The following COL23A1 variants were observed in gnomAD, a reference collection of about 807,000 sequenced individuals.
COL23A1 encodes collagen type XXIII alpha 1 chain, also known as collagen alpha-1(XXIII) chain.
A neutral mutation model predicts 99.3 loss-of-function variants in COL23A1; 97 were observed. That is an observed-to-expected ratio of 0.98 (90% CI 0.83 to 1.16). The LOEUF (loss-of-function observed/expected upper bound fraction) is 1.16, where lower values mean the gene tolerates loss of function less well. Ranked by LOEUF, COL23A1 falls within the 50% of genes most tolerant of loss-of-function variation. The probability of loss-of-function intolerance (pLI) is 0.00; values close to 1 mark genes in which losing one functional copy is unlikely to be tolerated. For synonymous variants in COL23A1, 320 were observed against 308.2 expected (o/e 1.04, Z -0.40); for missense variants, 762 against 757.4 (o/e 1.01, Z -0.07).
At chr5:178,422,792 C>G (rs1254995190) in intron 2 of COL23A1, among the ~76,000 whole-genome samples, 1 of 152,016 alleles carries the variant, frequency 6.6e-6, no homozygotes, top group Non-Finnish European at 1.5e-5. Context: ...AATTACCAGA[C>G]TATGTCATTA....
At chr5:178,407,837 T>C (rs1006041199) in intron 2 of COL23A1, among the ~76,000 whole-genome samples, 8 of 152,086 alleles carry the variant, frequency 5.3e-5, no homozygotes, top group Non-Finnish European at 8.8e-5. Flanking sequence ...CAGGGACCTG[T>C]GGGACTAAAA....
At chr5:178,481,000 T>C (rs1181786390) in intron 2 of COL23A1, among the ~76,000 whole-genome samples, 1 of 151,588 alleles carries the variant, frequency 6.6e-6, no homozygotes, top group Admixed American at 6.6e-5. Context: ...ACAAAAAAAT[T>C]AGCTGGGCAT....
rs1766434676 is a variant in COL23A1 at position 178,434,382 on chromosome 5, C to T, written c.361+126300G>A. Reference sequence around the variant, plus strand: ...CACACATGGTCCCACCAGGACAGCGCCCCTGCAGCACGGTGGCCTCGGGCA... The same window carrying T: ...CACACATGGTCCCACCAGGACAGCGTCCCTGCAGCACGGTGGCCTCGGGCA... On this transcript the variant is annotated intron_variant, in intron 2 of 28. Transcript: ENST00000390654. This position sits in a 1 kb window ranked among gnomAD's most constrained non-coding sequence, Gnocchi z 4.3. Among the ~76,000 whole-genome samples the T allele has an allele frequency of 6.6e-6, 1 of 152,252 alleles. No individual in the cohort carries two copies. Among genetic ancestry groups the T allele is most frequent in the South Asian group, 2.1e-4 (1 of 4,832 alleles).
intron 2 of COL23A1, among the ~76,000 whole-genome samples, chr5:178,429,204 G>A (rs1766119070): frequency 6.6e-6 from 1 of 152,092 alleles, no homozygotes; most frequent in African/African-American, 2.4e-5. Flanking sequence ...TGCGCCTCGG[G>A]AAAGGCCGGG....
At chr5:178,491,710 T>C (rs979319544) in intron 2 of COL23A1, among the ~76,000 whole-genome samples, 11 of 152,164 alleles carry the variant, frequency 7.2e-5, no homozygotes, top group African/African-American at 1.7e-4. Flanking sequence ...GATTTTTTTT[T>C]CAATTTTTTA....
chr5:178,345,310 G>T, intron 2 of COL23A1: 1 of 612,354 alleles, frequency 1.6e-6, no homozygotes, highest in South Asian at 1.6e-5. Flanking sequence ...AAATCACTTG[G>T]AGCAATTCGG....
At chr5:178,353,186 T>C (rs922734931) in intron 2 of COL23A1, among the ~76,000 whole-genome samples, 1 of 152,172 alleles carries the variant, frequency 6.6e-6, no homozygotes, top group Admixed American at 6.5e-5. Context: ...AAGTGAATTA[T>C]GGCATACTCA....
At chr5:178,282,803 A>G (rs1319650236) in intron 5 of COL23A1, among the ~76,000 whole-genome samples, 2 of 152,148 alleles carry the variant, frequency 1.3e-5, no homozygotes, top group African/African-American at 2.4e-5. Context: ...TTCCCAAAGG[A>G]AGCACCATGA....
At chr5:178,347,484 C>T (rs1293581705) in intron 2 of COL23A1, among the ~76,000 whole-genome samples, 1 of 151,680 alleles carries the variant, frequency 6.6e-6, no homozygotes, top group Non-Finnish European at 1.5e-5. Context: ...TGGAAACTTT[C>T]TGGAATCAGA....
chr5:178,558,892 A>T (rs565001268), intron 2 of COL23A1, among the ~76,000 whole-genome samples: 1 of 151,756 alleles, frequency 6.6e-6, no homozygotes, highest in Non-Finnish European at 1.5e-5. Context: ...AGGATGAAGC[A>T]ATTCTCCCAC....
chr5:178,365,699 C>T lies in COL23A1; in HGVS notation c.362-58780G>A, dbSNP rs150871270. Among the ~76,000 whole-genome samples the T allele has an allele frequency of 2.0e-4, 30 of 152,264 alleles. No individual in the cohort carries two copies. Among genetic ancestry groups the T allele is most frequent in the African/African-American group, 5.8e-4 (24 of 41,560 alleles). ...GCGTGCTGTTCCCGGCAGACCCTTG[C>T]GTTTCCTGTTCTCTGCCTGGAAAGC... is the stretch of plus-strand genomic sequence containing the variant. On this transcript the variant is annotated intron_variant, in intron 2 of 28. Coordinates refer to ENST00000390654, the MANE Select transcript of COL23A1 (RefSeq NM_173465.4). This position sits in a 1 kb window ranked among gnomAD's most constrained non-coding sequence, Gnocchi z 5.2.
chr5:178,426,925 G>A (rs1765971014), intron 2 of COL23A1, among the ~76,000 whole-genome samples: 4 of 152,208 alleles, frequency 2.6e-5, no homozygotes, highest in Admixed American at 2.6e-4. Flanking sequence ...AGGCCAGTGT[G>A]GTGGCTCACG....
At chr5:178,537,138 G>T (rs996083120) in intron 2 of COL23A1, among the ~76,000 whole-genome samples, 1 of 152,218 alleles carries the variant, frequency 6.6e-6, no homozygotes, top group Non-Finnish European at 1.5e-5. Flanking sequence ...CGTAGAGGGA[G>T]GGGGTCCCAC....
chr5:178,265,561 G>T, intron 8 of COL23A1: 1 of 501,522 alleles, frequency 2.0e-6, no homozygotes, highest in Non-Finnish European at 2.6e-6. Flanking sequence ...CTCCCTCAGG[G>T]ATTGGATGGC....
intron 21 of COL23A1, 75 bp from the exon 22 acceptor site, chr5:178,247,627 CCT>C: frequency 6.3e-7 from 1 of 1,595,986 alleles, no homozygotes; most frequent in East Asian, 2.2e-5. Context: ...CCCCTGGGGC[CCT>C]GTCCTGGGCT....
intron 2 of COL23A1, among the ~76,000 whole-genome samples, chr5:178,337,389 C>G (rs80044660): frequency 0.022 from 3,323 of 152,352 alleles, 39 homozygotes; most frequent in South Asian, 0.031. Context: ...GAGGCGGGCT[C>G]TAATGGCACA....
chr5:178,504,161 G>GT (rs1193244601), intron 2 of COL23A1, among the ~76,000 whole-genome samples: 2 of 152,056 alleles, frequency 1.3e-5, no homozygotes, highest in Non-Finnish European at 2.9e-5. Flanking sequence ...TATCTTCTTT[G>GT]TTTTTCATCC....
intron 2 of COL23A1, among the ~76,000 whole-genome samples, chr5:178,357,739 TGTAC>T (rs1336277197): frequency 1.0e-4 from 15 of 148,166 alleles, no homozygotes; most frequent in East Asian, 4.0e-4. Context: ...TGTGTGTGTA[TGTAC>T]GTGTATGTGT....
chr5:178,445,275 T>C (rs1767095102), intron 2 of COL23A1, among the ~76,000 whole-genome samples: 1 of 152,216 alleles, frequency 6.6e-6, no homozygotes, highest in African/African-American at 2.4e-5. Context: ...AAATTATTTT[T>C]TATACTGGGG....
Sources: gnomAD v4.1 joint callset for allele counts (sites outside exome capture counted in the v4.1 genomes callset) on GRCh38, gnomAD v4.1.1 for gene constraint, Gnocchi (gnomAD v3.1) non-coding constraint, MANE v1.5 for transcripts, NCBI Gene and HGNC (gene_info 2026-07-23, HGNC 2026-07-21) for gene names.